Variants in KANK4 observed in about 807,000 individuals in gnomAD.
The protein encoded by KANK4 is KN motif and ankyrin repeat domains 4, also known as KN motif and ankyrin repeat domain-containing protein 4.
Under a neutral mutation model 80.8 loss-of-function variants are expected in KANK4, and 50 were observed. The ratio of observed to expected loss-of-function variants is 0.62; its 90% CI spans 0.49 to 0.78. The LOEUF (loss-of-function observed/expected upper bound fraction) is 0.78, where lower values mean the gene tolerates loss of function less well. Among genes scored for constraint, KANK4 ranks in the 30% least tolerant of loss-of-function variants. The pLI, the probability that KANK4 is intolerant of heterozygous loss-of-function variation, is 0.00. For missense variants in KANK4, 1,196 were observed against 1,240.1 expected, an observed-to-expected ratio of 0.96 and a Z score of 0.53; for synonymous variants, 465 against 506.9, an observed-to-expected ratio of 0.92 and a Z score of 1.11.
At chr1:62,241,106 G>T (rs1671330625) in intron 9 of KANK4, among the ~76,000 whole-genome samples, 1 of 152,162 alleles carries the variant, frequency 6.6e-6, no homozygotes, top group Admixed American at 6.5e-5. Flanking sequence ...CTAAAATATG[G>T]ACAATTCTTT....
At chr1:62,268,266 C>T (rs112858708) in intron 5 of KANK4, 21 bp downstream of exon 5, 15 of 1,596,828 alleles carry the variant, frequency 9.4e-6, no homozygotes, top group African/African-American at 1.3e-5. Context: ...CAAGTGCCCG[C>T]GTTTGTGTCC....
chr1:62,317,445 CA>C (rs1458297502), intron 1 of KANK4, among the ~76,000 whole-genome samples: 1 of 152,212 alleles, frequency 6.6e-6, no homozygotes, highest in African/African-American at 2.4e-5. Flanking sequence ...TCCTTCTCCC[CA>C]CACTATGATC....
At chr1:62,266,961 A>T in intron 5 of KANK4, 142 bp from the exon 6 acceptor site, 1 of 586,298 alleles carries the variant, frequency 1.7e-6, no homozygotes, top group East Asian at 2.9e-5. Flanking sequence ...GTGAGCTTCA[A>T]AAATCTGGAG....
At chr1:62,251,819 C>A (rs1671627171) in intron 8 of KANK4, among the ~76,000 whole-genome samples, 2 of 152,074 alleles carry the variant, frequency 1.3e-5, no homozygotes, top group South Asian at 2.1e-4. Flanking sequence ...CATAGTGAAA[C>A]CCCATCTCTA....
At chr1:62,242,297 G>A (rs927930531) in intron 9 of KANK4, among the ~76,000 whole-genome samples, 7 of 133,154 alleles carry the variant, frequency 5.3e-5, no homozygotes, top group Non-Finnish European at 1.1e-4. Context: ...AGGAGGTCAA[G>A]GTTGCAATAA....
At chr1:62,262,928 G>C (rs1354991415) in intron 7 of KANK4, among the ~76,000 whole-genome samples, 164 bp downstream of exon 7, 1 of 152,134 alleles carries the variant, frequency 6.6e-6, no homozygotes, top group Non-Finnish European at 1.5e-5. Flanking sequence ...TGCTATTTGG[G>C]TGATGGGTAT....
intron 9 of KANK4, among the ~76,000 whole-genome samples, chr1:62,239,666 C>T (rs545551000): frequency 6.6e-6 from 1 of 152,050 alleles, no homozygotes; most frequent in Admixed American, 6.6e-5. Flanking sequence ...CCTCCTCACT[C>T]CCCCCACCCC....
intron 1 of KANK4, among the ~76,000 whole-genome samples, chr1:62,304,787 C>T (rs956179416): frequency 2.0e-5 from 3 of 151,920 alleles, no homozygotes; most frequent in Admixed American, 6.5e-5. Flanking sequence ...ACAGCGCGAC[C>T]GGCATGGCTT....
At chr1:62,279,335 G>T (rs1672401042) in intron 2 of KANK4, among the ~76,000 whole-genome samples, 1 of 152,176 alleles carries the variant, frequency 6.6e-6, no homozygotes, top group Admixed American at 6.6e-5. Context: ...TTTGATGAGG[G>T]AGTTTGAGCT....
At chr1:62,271,634 A>G (rs750530837) in intron 3 of KANK4, 45 bp from the exon 4 acceptor site, 1 of 1,417,690 alleles carries the variant, frequency 7.1e-7, no homozygotes, top group Non-Finnish European at 1.0e-6. Context: ...TTGGGGATGC[A>G]TGGGAATGTA....
intron 1 of KANK4, among the ~76,000 whole-genome samples, chr1:62,312,084 T>G (rs1323778407): frequency 6.6e-6 from 1 of 152,104 alleles, no homozygotes; most frequent in Non-Finnish European, 1.5e-5. Flanking sequence ...TAAAATAAAA[T>G]GCATAGCTTG....
At chr1:62,265,888 T>C (rs1458187344) in intron 6 of KANK4, among the ~76,000 whole-genome samples, 2 of 152,210 alleles carry the variant, frequency 1.3e-5, no homozygotes, top group Non-Finnish European at 2.9e-5. Flanking sequence ...AGAAAAACAG[T>C]AATGACTACA....
In KANK4 at chr1:62,316,884, G is replaced by A. The variant is rs569730885; in HGVS notation, c.-71+2222C>T. Among the ~76,000 whole-genome samples the A allele has an allele frequency of 5.7e-4, 87 of 152,268 alleles. 2 individuals are homozygous for A. The highest frequency in any genetic ancestry group is 2.0e-3 in the African/African-American group (83 of 41,546). ...TTTGCTGTGACAGAAGCATGTCCAGGGAGCTTTAGGAACAAAGAGAAAGCA... is the reference window on the plus strand; with the variant it reads ...TTTGCTGTGACAGAAGCATGTCCAGAGAGCTTTAGGAACAAAGAGAAAGCA... On this transcript the variant is annotated intron_variant, in intron 1 of 9. Transcript: ENST00000371153.
chr1:62,242,010 C>A (rs1044014666), intron 9 of KANK4, among the ~76,000 whole-genome samples: 2 of 152,100 alleles, frequency 1.3e-5, no homozygotes, highest in South Asian at 2.1e-4. Context: ...GACCACTTGG[C>A]GAGGGTTAGT....
intron 2 of KANK4, 69 bp downstream of exon 2, chr1:62,281,480 T>G (rs1426751019): frequency 1.3e-6 from 2 of 1,589,326 alleles, no homozygotes; most frequent in African/African-American, 2.7e-5. Flanking sequence ...TTTCCAGGAT[T>G]TGTGGCAACA....
intron 5 of KANK4, 35 bp downstream of exon 5, chr1:62,268,252 G>C (rs774570042): frequency 6.4e-7 from 1 of 1,559,656 alleles, no homozygotes. Context: ...CTTTTTCAGA[G>C]GAACAAGTGC....
At chr1:62,312,164 T>C (rs1254298451) in intron 1 of KANK4, among the ~76,000 whole-genome samples, 4 of 152,208 alleles carry the variant, frequency 2.6e-5, no homozygotes, top group African/African-American at 9.6e-5. Flanking sequence ...TATAGTAATA[T>C]ATTCTTCTTT....
rs1671663893 is a variant in KANK4, at chr1:62,253,180, C to T, written c.2569G>A (p.Ala857Thr). 1.2e-6 allele frequency: 2 copies of T among 1,612,106 alleles called. No individual in the cohort carries two copies. The highest frequency in any genetic ancestry group is 1.7e-6 in the Non-Finnish European group (2 of 1,179,598). The change falls in exon 8 of 10, where the codon GCT becomes ACT. Residue 857 changes from alanine to threonine, a missense_variant. Physicochemically the swap from Ala to Thr is moderately conservative, Grantham distance 58. Around this residue, in one of 3 missense-constraint regions of KANK4, gnomAD observed 1,154 missense variants for 1,179.6 expected, o/e 0.98. Transcript: ENST00000371153. Reference protein sequence around the residue: ...GVCNVDHQNKAGYTAVMITPL... With the variant: ...GVCNVDHQNKTGYTAVMITPL... ...GTGATCATTACGGCAGTGTAGCCAG[C>T]TTTGTTCTGATGGTCCACATTGCAG...
intron 1 of KANK4, among the ~76,000 whole-genome samples, chr1:62,318,010 C>T (rs1313590768): frequency 2.0e-5 from 3 of 152,196 alleles, no homozygotes; most frequent in African/African-American, 7.2e-5. Context: ...TTAGAACGGA[C>T]TCTGCCTCCA....
Sources: gnomAD v4.1 joint callset for allele counts (sites outside exome capture counted in the v4.1 genomes callset) on GRCh38, gnomAD v4.1.1 for gene constraint, gnomAD v4.1.1 regional missense constraint, MANE v1.5 for transcripts, NCBI Gene and HGNC (gene_info 2026-07-23, HGNC 2026-07-21) for gene names.